SHISA9: variants seen among roughly 807,000 people sequenced by gnomAD.
SHISA9 encodes shisa family member 9, also known as protein shisa-9.
Under a neutral mutation model 38.0 loss-of-function variants are expected in SHISA9, and 13 were observed. The observed-to-expected ratio is 0.34, with a 90% CI of 0.22 to 0.54. The LOEUF (loss-of-function observed/expected upper bound fraction) is 0.54, where lower values mean the gene tolerates loss of function less well. Among genes scored for constraint, SHISA9 ranks in the 20% least tolerant of loss-of-function variants. The pLI is 0.91. For synonymous variants in SHISA9, 275 were observed against 242.0 expected (o/e 1.14, Z -1.27); for missense variants, 538 against 575.8 (o/e 0.93, Z 0.67).
At chr16:13,311,096 T>C in the SHISA9 span, among the ~76,000 whole-genome samples, 3 of 152,160 alleles carry the variant, frequency 2.0e-5, no homozygotes, top group African/African-American at 7.2e-5. Flanking sequence ...AAAAAGGGAT[T>C]GCAGGGCCTA....
At chr16:13,329,164 C>T in the SHISA9 span, among the ~76,000 whole-genome samples, 1 of 152,148 alleles carries the variant, frequency 6.6e-6, no homozygotes, top group African/African-American at 2.4e-5. Context: ...ACCAGCCTTC[C>T]CTGCTCGCTA....
At chr16:13,073,337 A>G (rs1427808208) in intron 2 of SHISA9, among the ~76,000 whole-genome samples, 3 of 152,012 alleles carry the variant, frequency 2.0e-5, no homozygotes, top group Non-Finnish European at 4.4e-5. Flanking sequence ...AGTGGGAGCA[A>G]AGAGTCTTTG....
At chr16:13,520,080 T>A in the SHISA9 span, among the ~76,000 whole-genome samples, 4 of 152,280 alleles carry the variant, frequency 2.6e-5, no homozygotes, top group Non-Finnish European at 5.9e-5. Flanking sequence ...GAGCCATATC[T>A]GCAAGAACCA....
At chr16:12,919,957 G>A (rs1875311024) in intron 2 of SHISA9, among the ~76,000 whole-genome samples, 1 of 152,192 alleles carries the variant, frequency 6.6e-6, no homozygotes, top group African/African-American at 2.4e-5. Flanking sequence ...GTCCTTAAGT[G>A]CTATGAACAT....
chr16:13,451,452 A>G, the SHISA9 span, among the ~76,000 whole-genome samples: 1 of 152,206 alleles, frequency 6.6e-6, no homozygotes, highest in African/African-American at 2.4e-5. Context: ...GCAAATAAAG[A>G]CAATTATAGA....
intron 2 of SHISA9, among the ~76,000 whole-genome samples, chr16:13,069,014 A>G (rs902393838): frequency 6.6e-6 from 1 of 151,406 alleles, no homozygotes; most frequent in Non-Finnish European, 1.5e-5. Flanking sequence ...GCGTATGCAT[A>G]CATATAAATG....
intron 2 of SHISA9, among the ~76,000 whole-genome samples, chr16:12,975,657 G>A (rs1000802630): frequency 4.1e-5 from 4 of 97,674 alleles, no homozygotes; most frequent in South Asian, 2.7e-4. Flanking sequence ...GGACGGGGGC[G>A]GGGGGGGTAA....
chr16:13,404,087 A>C, the SHISA9 span, among the ~76,000 whole-genome samples: 1 of 152,192 alleles, frequency 6.6e-6, no homozygotes, highest in Non-Finnish European at 1.5e-5. Flanking sequence ...TCATGTCAGG[A>C]ACTTTCCTCT....
In SHISA9 at chr16:13,157,680, G is replaced by C. The variant is rs865831341; in HGVS notation, c.692-45714G>C. Among the ~76,000 whole-genome samples the C allele has an allele frequency of 2.5e-4, 38 of 152,172 alleles. No individual in the cohort carries two copies. The Middle Eastern group carries it at 0.01, about 41-fold the overall frequency. ...TATCTCCATTTTGCACATAAAAAGGGTCAGGGCAGTTCAGCATTACCCCTG... is the reference window on the plus strand; with the variant it reads ...TATCTCCATTTTGCACATAAAAAGGCTCAGGGCAGTTCAGCATTACCCCTG... On this transcript the variant is annotated intron_variant, in intron 2 of 4. Coordinates refer to ENST00000558583, the MANE Select transcript of SHISA9 (RefSeq NM_001145204.3).
chr16:12,952,606 G>A (rs1294689934), intron 2 of SHISA9, among the ~76,000 whole-genome samples: 1 of 152,170 alleles, frequency 6.6e-6, no homozygotes, highest in Non-Finnish European at 1.5e-5. Context: ...TTGGATCATG[G>A]GGGTGGTTTC....
At chr16:13,345,845 T>A in the SHISA9 span, among the ~76,000 whole-genome samples, 2 of 152,234 alleles carry the variant, frequency 1.3e-5, no homozygotes, top group Non-Finnish European at 2.9e-5. Context: ...ATTTCTCTAA[T>A]CATCAGTGAC....
rs979564199 is a variant in SHISA9, at chr16:13,236,829, A to G, written c.*1420A>G. On this transcript the variant is annotated 3_prime_UTR_variant, in exon 5 of 5. Coordinates refer to ENST00000558583, the MANE Select transcript of SHISA9 (RefSeq NM_001145204.3). ...CCTGTCAGATGTTTCTTGGTCCCGT[A>G]ATTCCCATGGTCCCTCCAAATTACC... The G allele has an allele frequency of 2.6e-5, 4 of 152,206 alleles. No homozygotes were observed. The highest frequency in any genetic ancestry group is 9.7e-5 in the African/African-American group (4 of 41,428). 9.4% of individuals were successfully genotyped at this position (152,206 alleles called of 1,614,324 possible).
chr16:13,441,379 C>T, the SHISA9 span, among the ~76,000 whole-genome samples: 1 of 152,172 alleles, frequency 6.6e-6, no homozygotes, highest in Admixed American at 6.5e-5. Flanking sequence ...AAGAGTTTAA[C>T]TTAAGCATAC....
chr16:13,162,184 G>A (rs2050600792), intron 2 of SHISA9, among the ~76,000 whole-genome samples: 1 of 152,156 alleles, frequency 6.6e-6, no homozygotes, highest in Non-Finnish European at 1.5e-5. Flanking sequence ...CAGAGGGGGT[G>A]GGAGACAGCT....
the SHISA9 span, among the ~76,000 whole-genome samples, chr16:13,420,422 G>A: frequency 1.3e-5 from 2 of 152,042 alleles, no homozygotes; most frequent in Non-Finnish European, 2.9e-5. Context: ...AGATGGGGAT[G>A]GAAGCTATCA....
the SHISA9 span, among the ~76,000 whole-genome samples, chr16:13,487,121 T>C: frequency 1.6e-4 from 25 of 152,248 alleles, no homozygotes; most frequent in Admixed American, 5.9e-4. Context: ...CTTTCTTCAT[T>C]GCTTGTACAG....
chr16:12,922,653 G>T (rs570366721), intron 2 of SHISA9, among the ~76,000 whole-genome samples: 174 of 152,284 alleles, frequency 1.1e-3, no homozygotes, highest in Non-Finnish European at 2.0e-3. Context: ...CTGAGTAGCT[G>T]GGATTACAGG....
At chr16:13,308,157 A>G in the SHISA9 span, among the ~76,000 whole-genome samples, 1 of 152,172 alleles carries the variant, frequency 6.6e-6, no homozygotes, top group African/African-American at 2.4e-5. Context: ...GACAGTAAGA[A>G]AAGAGAATAC....
chr16:13,545,356 G>C, the SHISA9 span, among the ~76,000 whole-genome samples: 1 of 152,210 alleles, frequency 6.6e-6, no homozygotes, highest in East Asian at 1.9e-4. Context: ...GGAAATGCCA[G>C]CATCCAATTA....
Sources: gnomAD v4.1 joint callset for allele counts (sites outside exome capture counted in the v4.1 genomes callset) on GRCh38, gnomAD v4.1.1 for gene constraint, MANE v1.5 for transcripts, NCBI Gene and HGNC (gene_info 2026-07-23, HGNC 2026-07-21) for gene names.